ABL1: variants seen among roughly 807,000 people sequenced by gnomAD.
ABL1 encodes tyrosine-protein kinase ABL1.
ABL1 carries 11 observed loss-of-function variants against 94.7 expected under a neutral mutation model. That is an observed-to-expected ratio of 0.12 (90% CI 0.07 to 0.19). The LOEUF (loss-of-function observed/expected upper bound fraction) is 0.19. Ranked by LOEUF, ABL1 falls within the 10% of genes least tolerant of loss-of-function variation. The probability of loss-of-function intolerance (pLI) is 1.00; values close to 1 mark genes in which losing one functional copy is unlikely to be tolerated. For synonymous variants in ABL1, 656 were observed against 622.4 expected, an observed-to-expected ratio of 1.05 and a Z score of -0.80; for missense variants, 1,082 against 1,489.4, an observed-to-expected ratio of 0.73 and a Z score of 4.50.
chr9:130,874,813 T>C, intron 6 of ABL1, 55 bp from the exon 7 acceptor site: 1 of 1,572,622 alleles, frequency 6.4e-7, no homozygotes, highest in Non-Finnish European at 8.7e-7. Flanking sequence ...GTGGTGGATT[T>C]GTGAAGTGGA....
chr9:130,878,397 CTT>C lies in ABL1; in HGVS notation c.1271-16_1271-15del. 6.2e-7 allele frequency: 1 copy of C among 1,613,376 alleles called. No homozygotes were observed. The highest frequency in any genetic ancestry group is 1.1e-5 in the South Asian group (1 of 91,038). ...GCTACACATCTTGAACAGCCTTTCT[CTT>C]TCGGTTTTCTTTCAGCATTTGGAGT... On this transcript the variant is annotated splice_polypyrimidine_tract_variant and intron_variant, in intron 7 of 10. Transcript: ENST00000318560.
intron 1 of ABL1, among the ~76,000 whole-genome samples, chr9:130,755,769 G>A (rs1460933683): frequency 6.6e-6 from 1 of 152,102 alleles, no homozygotes; most frequent in Non-Finnish European, 1.5e-5. Context: ...TCCTGGGTTT[G>A]TAGGGGTTGG....
At chr9:130,807,079 G>C (rs1009824782) in intron 1 of ABL1, among the ~76,000 whole-genome samples, 1 of 152,082 alleles carries the variant, frequency 6.6e-6, no homozygotes, top group African/African-American at 2.4e-5. Context: ...GAACCCGGGA[G>C]GCAGAGGTTG....
intron 1 of ABL1, among the ~76,000 whole-genome samples, chr9:130,818,497 T>G (rs957570426): frequency 6.6e-6 from 1 of 152,194 alleles, no homozygotes; most frequent in African/African-American, 2.4e-5. Context: ...AATTTCAGTT[T>G]ATCAGTGATT....
In ABL1 at chr9:130,887,184, G is replaced by A. The variant is rs541364472; in HGVS notation, c.*1501G>A. The A allele has an allele frequency of 2.6e-5, 6 of 233,210 alleles. No individual in the cohort carries two copies. The highest frequency in any genetic ancestry group is 2.2e-4 in the Admixed American group (4 of 17,802). 14.4% of individuals were successfully genotyped at this position (233,210 alleles called of 1,614,324 possible). ...CCTTCCCACCCCTTCATACCGCCTC[G>A]TGCCAGCAGCCTCGCACAGGCCCTA... On this transcript the variant is annotated 3_prime_UTR_variant, in exon 11 of 11. Coordinates refer to ENST00000318560, the MANE Select transcript of ABL1 (RefSeq NM_005157.6).
At chr9:130,879,987 T>C (rs1261258420) in intron 8 of ABL1, 81 bp from the exon 9 acceptor site, 16 of 1,335,240 alleles carry the variant, frequency 1.2e-5, no homozygotes, top group Non-Finnish European at 1.7e-5. Flanking sequence ...GCTTTCATTC[T>C]AGACTTTTCC....
chr9:130,775,908 T>A (rs1368625561), intron 1 of ABL1, among the ~76,000 whole-genome samples: 1 of 152,140 alleles, frequency 6.6e-6, no homozygotes, highest in African/African-American at 2.4e-5. Context: ...AAGAAGACAG[T>A]GGAACAGTAT....
In ABL1 at chr9:130,819,699, C is replaced by T. The variant is rs543708947; in HGVS notation, c.137-34365C>T. Among the ~76,000 whole-genome samples, 11 of 151,860 alleles carry T rather than the reference C, an allele frequency of 7.2e-5. No individual in the cohort carries two copies. In the South Asian group the frequency reaches 1.5e-3, roughly 20 times the overall value. On this transcript the variant is annotated intron_variant, in intron 1 of 10. Transcript: ENST00000372348. Reference sequence around the variant, plus strand: ...GACTACGGGCACACACCACCATGCCCGGCTACTTTTTTTTTGTATTTTTAG... The same window carrying T: ...GACTACGGGCACACACCACCATGCCTGGCTACTTTTTTTTTGTATTTTTAG...
At chr9:130,801,474 C>T (rs1344181607) in intron 1 of ABL1, among the ~76,000 whole-genome samples, 1 of 152,246 alleles carries the variant, frequency 6.6e-6, no homozygotes, top group Non-Finnish European at 1.5e-5. Flanking sequence ...GATCTGCCTG[C>T]TTCAGCCTCC....
intron 3 of ABL1, among the ~76,000 whole-genome samples, chr9:130,859,675 TCC>T (rs201855575): frequency 0.036 from 4,164 of 115,312 alleles, 494 homozygotes; most frequent in African/African-American, 0.1. Context: ...TTTCTTTCTT[TCC>T]TTTTTTTTTT....
chr9:130,808,673 G>C (rs112837202), intron 1 of ABL1, among the ~76,000 whole-genome samples: 220 of 152,290 alleles, frequency 1.4e-3, no homozygotes, highest in African/African-American at 5.2e-3. Flanking sequence ...GAACACTTCT[G>C]TGGTGAGACT....
chr9:130,860,062 G>A (rs1245748364), intron 3 of ABL1, among the ~76,000 whole-genome samples: 1 of 152,144 alleles, frequency 6.6e-6, no homozygotes, highest in Non-Finnish European at 1.5e-5. Flanking sequence ...CCCTGACTGA[G>A]CACCTGAGTG....
In ABL1 at chr9:130,885,904, C is replaced by A. The variant is rs763063511; in HGVS notation, c.*221C>A. ...TTCCTCCTCCCCGCTCCGTCTCTGTCCTCGAATTTTATCTGTGGAGTTCCT... is the reference window on the plus strand; with the variant it reads ...TTCCTCCTCCCCGCTCCGTCTCTGTACTCGAATTTTATCTGTGGAGTTCCT... On this transcript the variant is annotated 3_prime_UTR_variant, in exon 11 of 11. Transcript: ENST00000318560. 12 of 603,564 alleles carry A rather than the reference C, an allele frequency of 2.0e-5. No individual in the cohort carries two copies. Among genetic ancestry groups the A allele is most frequent in the Non-Finnish European group, 3.4e-5 (12 of 357,180 alleles). 37.4% of individuals were successfully genotyped at this position (603,564 alleles called of 1,614,324 possible).
rs1436638650 is a variant in ABL1, at chr9:130,863,994, G to A, written c.822+959G>A. Among the ~76,000 whole-genome samples, 13 of 152,294 alleles carry A rather than the reference G, an allele frequency of 8.5e-5. No homozygotes were observed. The highest frequency in any genetic ancestry group is 1.8e-4 in the Non-Finnish European group (12 of 68,026). ...CACATTGAGACTGGTGCAGCCACAT[G>A]CCTGCCTTTTAGGGACTCCTTGACT... On this transcript the variant is annotated intron_variant, in intron 4 of 10. Transcript: ENST00000318560. This position sits in a 1 kb window ranked among gnomAD's most constrained non-coding sequence, Gnocchi z 4.3.
At chr9:130,791,960 A>C (rs1167323827) in intron 1 of ABL1, among the ~76,000 whole-genome samples, 2 of 152,148 alleles carry the variant, frequency 1.3e-5, no homozygotes, top group African/African-American at 2.4e-5. Flanking sequence ...GAACATCCTC[A>C]AGAAGAAGGG....
chr9:130,787,125 T>G (rs777280777), intron 1 of ABL1, among the ~76,000 whole-genome samples: 15 of 152,196 alleles, frequency 9.9e-5, no homozygotes, highest in Admixed American at 5.9e-4. Flanking sequence ...ATAATACACC[T>G]TTTCCCATCC....
At chr9:130,759,146 T>G (rs2132744716) in intron 1 of ABL1, among the ~76,000 whole-genome samples, 1 of 105,424 alleles carries the variant, frequency 9.5e-6, no homozygotes. Flanking sequence ...TTTAAAAATT[T>G]TTGCTGATGT....
At chr9:130,839,397 C>G (rs1830635471) in intron 1 of ABL1, among the ~76,000 whole-genome samples, 1 of 152,192 alleles carries the variant, frequency 6.6e-6, no homozygotes, top group Non-Finnish European at 1.5e-5. Context: ...TCAGATACTT[C>G]CCTTGTTCAG....
chr9:130,723,384 A>G lies in ABL1; in HGVS notation c.136+8929A>G, dbSNP rs74781760. Among the ~76,000 whole-genome samples, 950 of 152,186 alleles carry G rather than the reference A, an allele frequency of 6.2e-3. 11 individuals are homozygous for G. Among genetic ancestry groups the G allele is most frequent in the African/African-American group, 0.022 (912 of 41,516 alleles). On this transcript the variant is annotated intron_variant, in intron 1 of 10. Coordinates refer to the ABL1 transcript ENST00000372348. ...AACATAGCAACACCCTATTAGTACT[A>G]AAAATAAAAAAGTTAGCTAGGCATA...
Sources: gnomAD v4.1 joint callset for allele counts (sites outside exome capture counted in the v4.1 genomes callset) on GRCh38, gnomAD v4.1.1 for gene constraint, Gnocchi (gnomAD v3.1) non-coding constraint, MANE v1.5 for transcripts, NCBI Gene and HGNC (gene_info 2026-07-23, HGNC 2026-07-21) for gene names.